The following PLCL1 variants were observed in gnomAD, a reference collection of about 807,000 sequenced individuals.
The protein encoded by PLCL1 is phospholipase C like 1 (inactive).
PLCL1 carries 41 observed loss-of-function variants against 84.4 expected under a neutral mutation model. That is an observed-to-expected ratio of 0.49 (90% CI 0.38 to 0.63). The LOEUF is 0.63. PLCL1 is among the 30% of genes least tolerant of loss of function. The pLI is 0.00. For synonymous variants in PLCL1, 490 were observed against 488.3 expected (o/e 1.00, Z -0.05); for missense variants, 1,206 against 1,367.8 (o/e 0.88, Z 1.87).
intron 1 of PLCL1, among the ~76,000 whole-genome samples, chr2:198,025,836 C>T (rs1184953729): frequency 6.6e-6 from 1 of 151,944 alleles, no homozygotes. Flanking sequence ...TTAGGACTTA[C>T]CTTTTCTGAA....
At chr2:197,999,300 G>A (rs1031911900) in intron 1 of PLCL1, among the ~76,000 whole-genome samples, 1 of 152,100 alleles carries the variant, frequency 6.6e-6, no homozygotes, top group Non-Finnish European at 1.5e-5. Context: ...GATTGAATGT[G>A]ATCTACATAC....
chr2:197,838,804 CA>C (rs1412871153), intron 1 of PLCL1, among the ~76,000 whole-genome samples: 1 of 152,188 alleles, frequency 6.6e-6, no homozygotes, highest in African/African-American at 2.4e-5. Context: ...GCCCATGAGC[CA>C]GAGCTGGTCA....
intron 1 of PLCL1, among the ~76,000 whole-genome samples, chr2:197,968,826 C>T (rs1390395483): frequency 6.6e-6 from 1 of 152,172 alleles, no homozygotes; most frequent in Admixed American, 6.5e-5. Context: ...CTCCCCTTAC[C>T]CCTCTTCTGA....
chr2:198,087,106 G>A (rs904446508), intron 2 of PLCL1, among the ~76,000 whole-genome samples: 4 of 152,098 alleles, frequency 2.6e-5, no homozygotes, highest in Admixed American at 6.5e-5. Context: ...CCTTGTCTTA[G>A]AAATGTGGTT....
chr2:197,876,375 A>T (rs1161395214), intron 1 of PLCL1, among the ~76,000 whole-genome samples: 1 of 152,202 alleles, frequency 6.6e-6, no homozygotes, highest in Non-Finnish European at 1.5e-5. Flanking sequence ...TCTGAAATAT[A>T]CAGGGATGCA....
At chr2:198,009,238 A>G (rs1325206603) in intron 1 of PLCL1, among the ~76,000 whole-genome samples, 1 of 151,874 alleles carries the variant, frequency 6.6e-6, no homozygotes, top group African/African-American at 2.4e-5. Context: ...TTTTGGTGTC[A>G]TATTTAAGAA....
Position 198,101,278 on chromosome 2 carries a change from G to T in PLCL1, c.2920-7G>T, listed in dbSNP as rs1284989807. ...CAACCACCTTTTTGATGTTTATTTT[G>T]TAACAGATGATTCAAGAGAGCCGGT... is the stretch of plus-strand genomic sequence containing the variant. On this transcript the variant is annotated splice_region_variant and splice_polypyrimidine_tract_variant and intron_variant, in intron 3 of 5. Transcript: ENST00000428675. 5.1e-6 allele frequency: 8 copies of T among 1,568,966 alleles called. No homozygotes were observed. In the South Asian group the frequency reaches 9.0e-5, roughly 18 times the overall value.
intron 1 of PLCL1, among the ~76,000 whole-genome samples, chr2:197,886,661 T>TAGAAA (rs1687930699): frequency 1.3e-5 from 2 of 152,146 alleles, no homozygotes; most frequent in East Asian, 1.9e-4. Context: ...ATCTACTTTC[T>TAGAAA]AGGTCCCTGG....
chr2:197,891,549 T>C lies in PLCL1; in HGVS notation c.240+86210T>C, dbSNP rs1688028597. Among the ~76,000 whole-genome samples the C allele has an allele frequency of 2.0e-5, 3 of 151,838 alleles. No homozygotes were observed. The South Asian group carries it at 6.2e-4, about 31-fold the overall frequency. On this transcript the variant is annotated intron_variant, in intron 1 of 5. Transcript: ENST00000428675. Reference sequence around the variant, plus strand: ...GATTATTGCCAGATACTGGAGGAGCTTGACTGTCATACTGAGGGCTTTAGA... The same window carrying C: ...GATTATTGCCAGATACTGGAGGAGCCTGACTGTCATACTGAGGGCTTTAGA...
At chr2:197,924,700 A>G (rs1688800255) in intron 1 of PLCL1, among the ~76,000 whole-genome samples, 1 of 151,988 alleles carries the variant, frequency 6.6e-6, no homozygotes. Flanking sequence ...CTGTCAGCAC[A>G]GGGAGAGCAA....
chr2:197,882,277 T>C (rs1473663813), intron 1 of PLCL1, among the ~76,000 whole-genome samples: 1 of 151,928 alleles, frequency 6.6e-6, no homozygotes, highest in African/African-American at 2.4e-5. Context: ...TTAAGGTACA[T>C]GCCAAAGATA....
intron 3 of PLCL1, among the ~76,000 whole-genome samples, chr2:198,094,548 C>A (rs1693143818): frequency 6.6e-6 from 1 of 152,186 alleles, no homozygotes; most frequent in Admixed American, 6.5e-5. Context: ...CGTTTTCTGT[C>A]TGCTTCCTGG....
intron 1 of PLCL1, among the ~76,000 whole-genome samples, chr2:197,996,848 A>G (rs1322129252): frequency 6.6e-6 from 1 of 152,176 alleles, no homozygotes; most frequent in Non-Finnish European, 1.5e-5. Flanking sequence ...CCCAAATTGC[A>G]TGGAGGAGGG....
chr2:197,848,087 A>G (rs1440133330), intron 1 of PLCL1, among the ~76,000 whole-genome samples: 2 of 152,252 alleles, frequency 1.3e-5, no homozygotes, highest in Non-Finnish European at 2.9e-5. Flanking sequence ...ATGAATTCTG[A>G]TAAAGCACAT....
At chr2:197,897,138 C>G (rs1167179646) in intron 1 of PLCL1, among the ~76,000 whole-genome samples, 1 of 29,878 alleles carries the variant, frequency 3.3e-5, no homozygotes. Flanking sequence ...TCTTCTTCTT[C>G]TTCTTCTTCT....
rs1690430162 is a variant in PLCL1 at position 197,804,829 on chromosome 2, C to T, written c.-271C>T. On this transcript the variant is annotated 5_prime_UTR_variant, in exon 1 of 6. Transcript: ENST00000428675. ...CTCTCTTTTTCGCCTCTCCTTCTGCCTCCCGCTCACATCGCCTCCCCACTC... is the reference window on the plus strand; with the variant it reads ...CTCTCTTTTTCGCCTCTCCTTCTGCTTCCCGCTCACATCGCCTCCCCACTC... 2.6e-6 allele frequency: 1 copy of T among 384,812 alleles called. No homozygotes were observed. Among genetic ancestry groups the T allele is most frequent in the Non-Finnish European group, 4.6e-6 (1 of 215,574 alleles). 23.8% of individuals were successfully genotyped at this position (384,812 alleles called of 1,614,324 possible). A position where few individuals can be genotyped will look rare whatever the true frequency, so the allele number is the denominator to read the frequency against.
chr2:198,122,892 A>G (rs1693900488), intron 5 of PLCL1, among the ~76,000 whole-genome samples: 2 of 152,140 alleles, frequency 1.3e-5, no homozygotes, highest in Non-Finnish European at 2.9e-5. Flanking sequence ...TATGTGATAT[A>G]TGTACACACT....
intron 5 of PLCL1, among the ~76,000 whole-genome samples, chr2:198,109,743 A>T (rs867353618): frequency 2.0e-5 from 3 of 151,872 alleles, no homozygotes; most frequent in Non-Finnish European, 4.4e-5. Flanking sequence ...AGGTGATCAC[A>T]TCTATAAAAC....
intron 1 of PLCL1, among the ~76,000 whole-genome samples, chr2:198,015,662 A>G (rs920095352): frequency 2.0e-5 from 3 of 152,194 alleles, no homozygotes; most frequent in African/African-American, 7.2e-5. Context: ...CTAATGAGAG[A>G]GACAGACAGC....
Sources: allele counts gnomAD v4.1 joint callset (sites outside exome capture counted in the v4.1 genomes callset), GRCh38; gene constraint gnomAD v4.1.1; transcripts MANE v1.5; gene names NCBI Gene and HGNC (gene_info 2026-07-23, HGNC 2026-07-21).